Variants in DNAJC16 observed in about 807,000 individuals in gnomAD.
DNAJC16 encodes dnaJ homolog subfamily C member 16.
Under a neutral mutation model 92.7 loss-of-function variants are expected in DNAJC16, and 76 were observed. That is an observed-to-expected ratio of 0.82 (90% CI 0.68 to 0.99). DNAJC16 has a LOEUF of 0.99. Ranked by LOEUF, DNAJC16 falls within the 50% of genes least tolerant of loss-of-function variation. The probability of loss-of-function intolerance (pLI) is 0.00; values close to 1 mark genes in which losing one functional copy is unlikely to be tolerated. For missense variants in DNAJC16, 869 were observed against 942.4 expected, an observed-to-expected ratio of 0.92 and a Z score of 1.02; for synonymous variants, 328 against 358.7, an observed-to-expected ratio of 0.91 and a Z score of 0.97.
intron 1 of DNAJC16, among the ~76,000 whole-genome samples, chr1:15,527,526 C>T (rs1413539445): frequency 1.3e-5 from 2 of 152,114 alleles, no homozygotes; most frequent in African/African-American, 4.8e-5. Flanking sequence ...GACGCTGATG[C>T]TTAGTAAGTT....
At chr1:15,559,362 A>G (rs994575319) in intron 7 of DNAJC16, among the ~76,000 whole-genome samples, 164 bp from the exon 8 acceptor site, 1 of 152,236 alleles carries the variant, frequency 6.6e-6, no homozygotes, top group Admixed American at 6.5e-5. Flanking sequence ...CATTGCTGAA[A>G]TAGATCACCA....
rs1456785731 is a variant in DNAJC16 at position 15,544,570 on chromosome 1, A to C, written c.746A>C (p.Asn249Thr). ...TTTGTAGAAAGTCTTCTTCCAGGGA[A>C]CTTGGTGGAGAAAGTAAGTATCTGT... Reference protein sequence around the residue: ...RQFVESLLPGNLVEKVTNKNY... With the variant: ...RQFVESLLPGTLVEKVTNKNY... Residue 249 changes from asparagine (N) to threonine (T), a missense_variant, in exon 5 of 15, where the codon AAC (asparagine) becomes ACC (threonine). By Grantham distance (65) the Asn-to-Thr change is moderately conservative (BLOSUM62 0). Coordinates refer to ENST00000375847, the MANE Select transcript of DNAJC16 (RefSeq NM_015291.4). 1.9e-6 allele frequency: 3 copies of C among 1,614,066 alleles called. No homozygotes were observed. The highest frequency in any genetic ancestry group is 3.3e-5 in the Admixed American group (2 of 60,012).
intron 5 of DNAJC16, 92 bp from the exon 6 acceptor site, chr1:15,546,675 A>G: frequency 2.0e-6 from 2 of 1,000,846 alleles, no homozygotes; most frequent in Non-Finnish European, 3.0e-6. Flanking sequence ...AATCTTTTAC[A>G]CTTACTTGAT....
At chr1:15,534,630 C>A (rs1436549929) in intron 3 of DNAJC16, among the ~76,000 whole-genome samples, 2 of 152,144 alleles carry the variant, frequency 1.3e-5, no homozygotes, top group African/African-American at 4.8e-5. Flanking sequence ...GAGGCTTAGG[C>A]AGGAGAATTG....
intron 7 of DNAJC16, among the ~76,000 whole-genome samples, chr1:15,556,899 A>G (rs1161392181): frequency 2.6e-5 from 4 of 152,252 alleles, no homozygotes; most frequent in Non-Finnish European, 5.9e-5. Context: ...TCTAACCACA[A>G]TTGGTATGAT....
chr1:15,548,420 G>T lies in DNAJC16; in HGVS notation c.1015G>T (p.Val339Phe), dbSNP rs1429631969. The change falls in exon 7 of 15, where the codon GTT becomes TTT. Residue 339 changes from valine to phenylalanine, a missense_variant. By Grantham distance (50) the Val-to-Phe change is conservative (BLOSUM62 -1). Transcript: ENST00000375847. ...FKEHINRPAD[V>F]IQARGMKKQI... ...AGAACATATAAACAGGCCTGCCGAT[G>T]TTATCCAGGTACGTGAGGGTCACCT... 6.2e-7 allele frequency: 1 copy of T among 1,611,112 alleles called. No homozygotes were observed. Among genetic ancestry groups the T allele is most frequent in the African/African-American group, 1.3e-5 (1 of 74,872 alleles).
At chr1:15,533,353 G>A (rs1327386322) in intron 2 of DNAJC16, among the ~76,000 whole-genome samples, 5 of 152,214 alleles carry the variant, frequency 3.3e-5, no homozygotes, top group Admixed American at 2.0e-4. Flanking sequence ...GAGGCCGGGC[G>A]TGGTGGCTCA....
chr1:15,551,023 C>A (rs1638431228), intron 7 of DNAJC16, among the ~76,000 whole-genome samples: 1 of 152,186 alleles, frequency 6.6e-6, no homozygotes, highest in Non-Finnish European at 1.5e-5. Flanking sequence ...GCACCTGCCA[C>A]CATGCCCGGC....
intron 7 of DNAJC16, among the ~76,000 whole-genome samples, chr1:15,553,098 A>G (rs1228599125): frequency 6.6e-6 from 1 of 151,170 alleles, no homozygotes; most frequent in Admixed American, 6.6e-5. Flanking sequence ...CCCATTTTTT[A>G]ATTAGATATC....
intron 7 of DNAJC16, among the ~76,000 whole-genome samples, chr1:15,550,320 A>C (rs529212516): frequency 1.3e-5 from 2 of 152,354 alleles, no homozygotes; most frequent in East Asian, 3.9e-4. Context: ...GAAAATTGTA[A>C]ATCAAATACA....
chr1:15,558,094 C>T (rs1557584745), intron 7 of DNAJC16, among the ~76,000 whole-genome samples: 1 of 151,678 alleles, frequency 6.6e-6, no homozygotes, highest in Non-Finnish European at 1.5e-5. Flanking sequence ...TGGTCTTGAA[C>T]TCCTGACCTC....
intron 6 of DNAJC16, 35 bp downstream of exon 6, chr1:15,546,906 T>A: frequency 7.2e-7 from 1 of 1,392,610 alleles, no homozygotes; most frequent in Non-Finnish European, 9.7e-7. Flanking sequence ...TTTCTTTTTC[T>A]TTTCTTTTCT....
chr1:15,548,561 T>C, intron 7 of DNAJC16, 133 bp downstream of exon 7: 1 of 883,486 alleles, frequency 1.1e-6, no homozygotes, highest in South Asian at 2.7e-5. Context: ...TTTTAATGAA[T>C]TTTTTTATCT....
chr1:15,548,548 AT>A, intron 7 of DNAJC16, 120 bp downstream of exon 7: 1 of 985,968 alleles, frequency 1.0e-6, no homozygotes. Context: ...GATGCACAAA[AT>A]TTTTTAATGA....
At chr1:15,530,383 G>A (rs546380090) in intron 2 of DNAJC16, among the ~76,000 whole-genome samples, 2 of 152,112 alleles carry the variant, frequency 1.3e-5, no homozygotes, top group South Asian at 4.1e-4. Flanking sequence ...AATTTTGCCT[G>A]TAGTTATCAG....
chr1:15,544,450 A>G lies in DNAJC16; in HGVS notation c.626A>G (p.His209Arg). 6.2e-7 allele frequency: 1 copy of G among 1,614,068 alleles called. No individual in the cohort carries two copies. Among genetic ancestry groups the G allele is most frequent in the Non-Finnish European group, 8.5e-7 (1 of 1,179,964 alleles). Residue 209 changes from histidine to arginine, a missense_variant, in exon 5 of 15, where the codon CAC (histidine) becomes CGC (arginine). By Grantham distance (29) the His-to-Arg change is conservative. Transcript: ENST00000375847. ...GGGTATGAGAGACGCCTGGCCCATC[A>G]CCTAGGGGCACACAGCACGCCCTCT... ...HAGYERRLAH[H>R]LGAHSTPSIL...
chr1:15,547,701 C>T (rs1638344829), intron 6 of DNAJC16, among the ~76,000 whole-genome samples: 1 of 152,134 alleles, frequency 6.6e-6, no homozygotes, highest in Admixed American at 6.5e-5. Context: ...CTCGGCCTCC[C>T]AAAGTGCTGG....
At chr1:15,536,847 TA>T in intron 4 of DNAJC16, 33 bp downstream of exon 4, 1 of 1,551,842 alleles carries the variant, frequency 6.4e-7, no homozygotes, top group Non-Finnish European at 8.7e-7. Context: ...AAGATATTTA[TA>T]TAGATGACTT....
chr1:15,564,430 A>G, intron 11 of DNAJC16, 71 bp downstream of exon 11: 1 of 1,012,104 alleles, frequency 9.9e-7, no homozygotes, highest in Non-Finnish European at 1.6e-6. Context: ...TTTTGAAAAG[A>G]GTTCATCATT....
Sources: allele counts gnomAD v4.1 joint callset (sites outside exome capture counted in the v4.1 genomes callset), GRCh38; gene constraint gnomAD v4.1.1; transcripts MANE v1.5; gene names NCBI Gene and HGNC (gene_info 2026-07-23, HGNC 2026-07-21).